Variants in EXOC4 observed in about 807,000 individuals in gnomAD.
EXOC4 encodes exocyst complex component 4.
In EXOC4, 71 loss-of-function variants were observed where a neutral mutation model predicts 107.2. The observed-to-expected ratio is 0.66, with a 90% CI of 0.55 to 0.81. The LOEUF (loss-of-function observed/expected upper bound fraction) is 0.81, where lower values mean the gene tolerates loss of function less well. EXOC4 is among the 30% of genes least tolerant of loss of function. The probability of loss-of-function intolerance (pLI) is 0.00; values close to 1 mark genes in which losing one functional copy is unlikely to be tolerated. For synonymous variants in EXOC4, 456 were observed against 441.2 expected, an observed-to-expected ratio of 1.03 and a Z score of -0.42; for missense variants, 1,108 against 1,189.6, an observed-to-expected ratio of 0.93 and a Z score of 1.01.
intron 17 of EXOC4, among the ~76,000 whole-genome samples, chr7:134,048,891 G>C (rs1009364700): frequency 2.0e-5 from 3 of 152,042 alleles, no homozygotes; most frequent in Non-Finnish European, 2.9e-5. Context: ...TAGCCAAGTT[G>C]CCCAACAGTC....
intron 9 of EXOC4, among the ~76,000 whole-genome samples, chr7:133,500,450 G>T (rs539858099): frequency 6.6e-6 from 1 of 152,262 alleles, no homozygotes; most frequent in East Asian, 1.9e-4. Flanking sequence ...ACATTCATCC[G>T]CAGTGTTGCA....
At chr7:133,424,145 C>T (rs1265658676) in intron 7 of EXOC4, among the ~76,000 whole-genome samples, 1 of 152,116 alleles carries the variant, frequency 6.6e-6, no homozygotes, top group African/African-American at 2.4e-5. Flanking sequence ...AGCAGGCCAC[C>T]CGAGCCAACA....
At chr7:134,029,690 T>C (rs1462424644) in intron 17 of EXOC4, among the ~76,000 whole-genome samples, 1 of 152,098 alleles carries the variant, frequency 6.6e-6, no homozygotes, top group Non-Finnish European at 1.5e-5. Context: ...CAGCTAATTT[T>C]TTAAAATTTT....
chr7:133,370,134 C>T (rs1346985988), intron 6 of EXOC4, among the ~76,000 whole-genome samples: 3 of 127,328 alleles, frequency 2.4e-5, no homozygotes, highest in Non-Finnish European at 3.3e-5. Flanking sequence ...CTCTCCCCCC[C>T]GCCCACCCTC....
intron 10 of EXOC4, among the ~76,000 whole-genome samples, chr7:133,774,976 A>G (rs555670816): frequency 6.6e-6 from 1 of 151,672 alleles, no homozygotes; most frequent in Non-Finnish European, 1.5e-5. Flanking sequence ...TATTCTCTCT[A>G]GCAGTGGCCC....
intron 5 of EXOC4, among the ~76,000 whole-genome samples, chr7:133,347,050 TGATGAACTGGTGGTCTA>T (rs1795798508): frequency 6.6e-6 from 1 of 152,158 alleles, no homozygotes; most frequent in Non-Finnish European, 1.5e-5. Flanking sequence ...GAAGCAGTCA[TGATGAACTGGTGGTCTA>T]GATTGCTTTC....
chr7:133,947,447 T>C (rs1002509609), intron 14 of EXOC4, among the ~76,000 whole-genome samples: 23 of 152,224 alleles, frequency 1.5e-4, no homozygotes, highest in Admixed American at 4.6e-4. Context: ...TGTCTGAGAA[T>C]GGGCCTGCAC....
intron 7 of EXOC4, among the ~76,000 whole-genome samples, chr7:133,472,239 A>G (rs1798897335): frequency 6.6e-6 from 1 of 152,196 alleles, no homozygotes; most frequent in Non-Finnish European, 1.5e-5. Flanking sequence ...ATATTACGTG[A>G]GAAGGACTGG....
At chr7:133,936,209 T>C (rs1217120010) in intron 13 of EXOC4, among the ~76,000 whole-genome samples, 2 of 152,190 alleles carry the variant, frequency 1.3e-5, no homozygotes, top group Non-Finnish European at 2.9e-5. Context: ...GGTTCACTGC[T>C]CTTCATTGCC....
chr7:133,415,394 G>A (rs920018678), intron 7 of EXOC4, among the ~76,000 whole-genome samples: 1 of 151,392 alleles, frequency 6.6e-6, no homozygotes, highest in African/African-American at 2.4e-5. Flanking sequence ...CAGCATCAGA[G>A]GGCTCCAGTT....
chr7:133,479,914 G>T, intron 8 of EXOC4, 136 bp from the exon 9 acceptor site: 1 of 725,212 alleles, frequency 1.4e-6, no homozygotes, highest in Non-Finnish European at 2.4e-6. Flanking sequence ...CCCTGTCATG[G>T]TATAGCCAAA....
intron 10 of EXOC4, among the ~76,000 whole-genome samples, chr7:133,646,808 T>C (rs1803003934): frequency 6.6e-6 from 1 of 152,204 alleles, no homozygotes; most frequent in Admixed American, 6.5e-5. Flanking sequence ...GATGCATTTC[T>C]AATGCAATCA....
At chr7:133,440,431 A>C (rs1266787262) in intron 7 of EXOC4, among the ~76,000 whole-genome samples, 1 of 150,600 alleles carries the variant, frequency 6.6e-6, no homozygotes, top group African/African-American at 2.5e-5. Context: ...CTCATGCTAC[A>C]GTTGGTCATC....
chr7:133,452,602 C>T (rs1325442006), intron 7 of EXOC4, among the ~76,000 whole-genome samples: 1 of 148,898 alleles, frequency 6.7e-6, no homozygotes, highest in Non-Finnish European at 1.5e-5. Flanking sequence ...ATAGCTAATG[C>T]TCATCCATTC....
intron 14 of EXOC4, among the ~76,000 whole-genome samples, chr7:133,939,038 G>C (rs6953025): frequency 0.71 from 108,150 of 152,128 alleles, 39,010 homozygotes; most frequent in East Asian, 0.86. Context: ...GCGTGAGCAA[G>C]CACGTCCAGA....
At chr7:133,567,324 T>C (rs907316603) in intron 9 of EXOC4, among the ~76,000 whole-genome samples, 2 of 150,794 alleles carry the variant, frequency 1.3e-5, no homozygotes, top group African/African-American at 4.9e-5. Context: ...CTGAACATCA[T>C]TTTTTTTTCA....
chr7:133,393,223 T>TA (rs1185288720), intron 7 of EXOC4, among the ~76,000 whole-genome samples: 2 of 152,138 alleles, frequency 1.3e-5, no homozygotes, highest in Non-Finnish European at 1.5e-5. Flanking sequence ...ATCTAATAGT[T>TA]ATATTTTTCT....
intron 9 of EXOC4, among the ~76,000 whole-genome samples, chr7:133,514,942 C>G (rs566989220): frequency 6.6e-6 from 1 of 152,154 alleles, no homozygotes; most frequent in South Asian, 2.1e-4. Context: ...ATAGTCTGAA[C>G]TTTTTTGTTG....
intron 12 of EXOC4, among the ~76,000 whole-genome samples, chr7:133,905,087 G>T (rs1799537590): frequency 6.6e-6 from 1 of 152,168 alleles, no homozygotes; most frequent in African/African-American, 2.4e-5. Context: ...AAGGGAGCAG[G>T]AAGACGTTGC....
Sources: gnomAD v4.1 joint callset for allele counts (sites outside exome capture counted in the v4.1 genomes callset) on GRCh38, gnomAD v4.1.1 for gene constraint, MANE v1.5 for transcripts, NCBI Gene and HGNC (gene_info 2026-07-23, HGNC 2026-07-21) for gene names.